Variants in RIMS2 observed in about 807,000 individuals in gnomAD.
RIMS2 encodes regulating synaptic membrane exocytosis 2, also known as regulating synaptic membrane exocytosis protein 2.
Under a neutral mutation model 174.4 loss-of-function variants are expected in RIMS2, and 59 were observed. The ratio of observed to expected loss-of-function variants is 0.34; its 90% CI spans 0.27 to 0.42. The LOEUF (loss-of-function observed/expected upper bound fraction) is 0.42. Among genes scored for constraint, RIMS2 ranks in the 10% least tolerant of loss-of-function variants. RIMS2 has a pLI of 1.00. For missense variants in RIMS2, 1,620 were observed against 1,666.3 expected (o/e 0.97, Z 0.48); for synonymous variants, 606 against 572.5 (o/e 1.06, Z -0.84).
intron 19 of RIMS2, among the ~76,000 whole-genome samples, chr8:104,023,953 A>C (rs1230762627): frequency 6.6e-6 from 1 of 152,196 alleles, no homozygotes; most frequent in East Asian, 1.9e-4. Flanking sequence ...ATATGAAATG[A>C]TTATCGGACT....
intron 1 of RIMS2, among the ~76,000 whole-genome samples, chr8:103,631,206 C>T (rs745566809): frequency 6.6e-6 from 1 of 152,128 alleles, no homozygotes; most frequent in African/African-American, 2.4e-5. Flanking sequence ...TTCCTATGTC[C>T]AGGATGGTAT....
At position 103,648,787 on chromosome 8, in the gene RIMS2, G is replaced by C. The variant is rs114513844; in HGVS notation, c.177-48299G>C. ...CCCCTGTGTTTTCTGTTTTAAATTT[G>C]TTTGGTAAATTTTCCTCCATCCTTT... is the stretch of plus-strand genomic sequence containing the variant. On this transcript the variant is annotated intron_variant, in intron 1 of 23. Coordinates refer to ENST00000504942, the Ensembl canonical transcript of RIMS2. Among the ~76,000 whole-genome samples the C allele has an allele frequency of 7.3e-3, 1,111 of 152,172 alleles. 11 individuals are homozygous for C. Among genetic ancestry groups the C allele is most frequent in the African/African-American group, 0.024 (1,008 of 41,514 alleles).
intron 14 of RIMS2, among the ~76,000 whole-genome samples, chr8:103,949,443 G>C (rs772160836): frequency 1.1e-4 from 16 of 152,122 alleles, no homozygotes; most frequent in Non-Finnish European, 2.1e-4. Context: ...GTCAAAGTTT[G>C]TTATCTGATC....
At chr8:103,731,775 C>A (rs2097598783) in intron 2 of RIMS2, among the ~76,000 whole-genome samples, 1 of 152,058 alleles carries the variant, frequency 6.6e-6, no homozygotes, top group African/African-American at 2.4e-5. Context: ...TTTTGAACTC[C>A]AGAATTTCTG....
intron 19 of RIMS2, among the ~76,000 whole-genome samples, chr8:104,158,560 A>T (rs1000256419): frequency 2.0e-5 from 3 of 151,990 alleles, no homozygotes; most frequent in African/African-American, 7.2e-5. Flanking sequence ...CCAGCATCTG[A>T]TATTTCCTGA....
At chr8:104,139,219 T>C (rs2098546570) in intron 19 of RIMS2, among the ~76,000 whole-genome samples, 1 of 152,166 alleles carries the variant, frequency 6.6e-6, no homozygotes, top group South Asian at 2.1e-4. Context: ...AGTTTTGTTC[T>C]TTTTGTTTAG....
At chr8:103,619,230 A>C (rs2095576974) in intron 1 of RIMS2, among the ~76,000 whole-genome samples, 2 of 151,724 alleles carry the variant, frequency 1.3e-5, no homozygotes, top group African/African-American at 4.8e-5. Context: ...AAAGTATCTT[A>C]GTAAAATTTA....
intron 3 of RIMS2, among the ~76,000 whole-genome samples, chr8:103,845,235 T>C (rs958540631): frequency 4.6e-5 from 7 of 152,126 alleles, no homozygotes; most frequent in Non-Finnish European, 1.0e-4. Context: ...CACTCTTTTT[T>C]ATATCACTTT....
At chr8:104,145,769 A>G (rs2098633155) in intron 19 of RIMS2, among the ~76,000 whole-genome samples, 1 of 151,978 alleles carries the variant, frequency 6.6e-6, no homozygotes, top group Admixed American at 6.5e-5. Context: ...AGGCTGCGAC[A>G]GGAGAATCAC....
Position 104,148,598 on chromosome 8 carries a change from G to T in RIMS2, c.3335-96318G>T, listed in dbSNP as rs753893450. On this transcript the variant is annotated intron_variant, in intron 19 of 23. Coordinates refer to ENST00000504942, the Ensembl canonical transcript of RIMS2. ...TTGTCCTCACTTTTAATGATCCATC[G>T]GCTGACAGTGTCTTTACATCCAAAA... 1.6e-5 allele frequency: 25 copies of T among 1,594,348 alleles called. No individual in the cohort carries two copies. In the East Asian group the frequency reaches 5.1e-4, roughly 33 times the overall value.
chr8:104,198,061 C>A (rs1324551876), intron 19 of RIMS2, among the ~76,000 whole-genome samples: 2 of 151,936 alleles, frequency 1.3e-5, no homozygotes, highest in Admixed American at 1.3e-4. Flanking sequence ...ACCAATAAGC[C>A]TTTTTATGGT....
intron 19 of RIMS2, among the ~76,000 whole-genome samples, chr8:104,236,714 G>A (rs1035487269): frequency 2.6e-5 from 4 of 151,902 alleles, no homozygotes; most frequent in South Asian, 2.1e-4. Flanking sequence ...AAGAGCAGAC[G>A]AAAAGTAGTT....
At chr8:103,623,484 T>G (rs1238462012) in intron 1 of RIMS2, among the ~76,000 whole-genome samples, 4 of 133,490 alleles carry the variant, frequency 3.0e-5, no homozygotes, top group Non-Finnish European at 4.8e-5. Flanking sequence ...TTCAGTTTTT[T>G]TTTTTTTTTT....
intron 3 of RIMS2, among the ~76,000 whole-genome samples, chr8:103,879,860 G>T (rs999844219): frequency 6.6e-6 from 1 of 151,538 alleles, no homozygotes; most frequent in African/African-American, 2.4e-5. Flanking sequence ...ACTGGCTTTT[G>T]CTAGGAAGGA....
At chr8:103,519,048 A>T (rs947774368) in intron 1 of RIMS2, among the ~76,000 whole-genome samples, 2 of 152,064 alleles carry the variant, frequency 1.3e-5, no homozygotes, top group African/African-American at 2.4e-5. Flanking sequence ...TTCCAGCTTC[A>T]TCTTCCACTC....
intron 9 of RIMS2, chr8:103,920,733 T>C (rs1254474960): frequency 2.2e-6 from 1 of 456,378 alleles, no homozygotes; most frequent in Non-Finnish European, 4.4e-6. Context: ...CTCACGCGTG[T>C]AATCCCAGCA....
At chr8:104,064,454 C>T (rs1387989970) in intron 19 of RIMS2, among the ~76,000 whole-genome samples, 1 of 151,724 alleles carries the variant, frequency 6.6e-6, no homozygotes, top group Non-Finnish European at 1.5e-5. Flanking sequence ...GAATAAAGGT[C>T]TTGTGTAATT....
intron 1 of RIMS2, among the ~76,000 whole-genome samples, chr8:103,686,908 TA>T (rs1469126548): frequency 6.6e-6 from 1 of 152,072 alleles, no homozygotes; most frequent in Non-Finnish European, 1.5e-5. Context: ...ACTACAGGTA[TA>T]TACCACCATG....
At chr8:103,562,226 G>A (rs889201677) in intron 1 of RIMS2, among the ~76,000 whole-genome samples, 8 of 152,166 alleles carry the variant, frequency 5.3e-5, no homozygotes, top group African/African-American at 1.9e-4. Context: ...TAACTCAAAA[G>A]TCCACAATCC....
Sources: gnomAD v4.1 joint callset for allele counts (sites outside exome capture counted in the v4.1 genomes callset) on GRCh38, gnomAD v4.1.1 for gene constraint, MANE v1.5 for transcripts, NCBI Gene and HGNC (gene_info 2026-07-23, HGNC 2026-07-21) for gene names.